PRKG1: variants seen among roughly 807,000 people sequenced by gnomAD.
PRKG1 encodes protein kinase cGMP-dependent 1, also known as cGMP-dependent protein kinase 1.
Under a neutral mutation model 88.1 loss-of-function variants are expected in PRKG1, and 35 were observed. The observed-to-expected ratio is 0.40, with a 90% CI of 0.30 to 0.53. The LOEUF (loss-of-function observed/expected upper bound fraction) is 0.53. PRKG1 is among the 20% of genes least tolerant of loss of function. The probability of loss-of-function intolerance (pLI) is 0.59; values close to 1 mark genes in which losing one functional copy is unlikely to be tolerated. For synonymous variants in PRKG1, 303 were observed against 292.5 expected, an observed-to-expected ratio of 1.04 and a Z score of -0.37; for missense variants, 540 against 839.8, an observed-to-expected ratio of 0.64 and a Z score of 4.41.
intron 5 of PRKG1, among the ~76,000 whole-genome samples, chr10:51,924,836 C>G (rs1842538471): frequency 6.6e-6 from 1 of 151,600 alleles, no homozygotes; most frequent in Non-Finnish European, 1.5e-5. Flanking sequence ...ATTGGCCCAT[C>G]AAAAGCATTC....
intron 5 of PRKG1, among the ~76,000 whole-genome samples, chr10:52,010,712 T>C (rs1012690719): frequency 1.3e-5 from 2 of 152,152 alleles, no homozygotes; most frequent in Admixed American, 6.5e-5. Context: ...ACTTGTGACA[T>C]TGGTTAAAAA....
intron 3 of PRKG1, among the ~76,000 whole-genome samples, chr10:51,790,502 G>T (rs911102640): frequency 1.3e-5 from 2 of 152,074 alleles, no homozygotes; most frequent in African/African-American, 4.8e-5. Context: ...TAAATTAATT[G>T]CCCAAAGCCA....
intron 1 of PRKG1, among the ~76,000 whole-genome samples, chr10:50,997,481 T>G (rs7919300): frequency 0.89 from 136,008 of 152,252 alleles, 60,898 homozygotes; most frequent in African/African-American, 0.95. Context: ...CTGACTACGG[T>G]CCTGTTTCCT....
intron 9 of PRKG1, among the ~76,000 whole-genome samples, chr10:52,172,168 A>T (rs1838715842): frequency 6.6e-6 from 1 of 152,004 alleles, no homozygotes; most frequent in Non-Finnish European, 1.5e-5. Context: ...TATCTTTGAG[A>T]CTCTCTAGGT....
intron 1 of PRKG1, among the ~76,000 whole-genome samples, chr10:51,015,487 C>T (rs1405205105): frequency 1.3e-5 from 2 of 152,188 alleles, no homozygotes; most frequent in African/African-American, 4.8e-5. Flanking sequence ...ATCATTGTAG[C>T]TCAGTCAATA....
chr10:51,370,664 T>C (rs891733470), intron 2 of PRKG1, among the ~76,000 whole-genome samples: 3 of 152,036 alleles, frequency 2.0e-5, no homozygotes, highest in Non-Finnish European at 4.4e-5. Context: ...AGAAGCCATA[T>C]TAAAAAATAA....
chr10:51,341,791 C>CA (rs1009971615), intron 2 of PRKG1, among the ~76,000 whole-genome samples: 1 of 152,144 alleles, frequency 6.6e-6, no homozygotes, highest in African/African-American at 2.4e-5. Flanking sequence ...TTAATGGACT[C>CA]AGAGTTCCCC....
At chr10:51,641,630 G>A (rs1839803134) in intron 3 of PRKG1, among the ~76,000 whole-genome samples, 1 of 152,152 alleles carries the variant, frequency 6.6e-6, no homozygotes, top group South Asian at 2.1e-4. Flanking sequence ...TATTAGATTG[G>A]TGCAAAAGTA....
chr10:51,358,395 T>C (rs1168520523), intron 2 of PRKG1, among the ~76,000 whole-genome samples: 3 of 151,762 alleles, frequency 2.0e-5, no homozygotes, highest in East Asian at 3.9e-4. Context: ...GGGATAGGAG[T>C]AGACAGACAC....
intron 2 of PRKG1, among the ~76,000 whole-genome samples, chr10:51,394,804 G>A (rs1464172189): frequency 1.3e-5 from 2 of 152,116 alleles, no homozygotes; most frequent in South Asian, 2.1e-4. Flanking sequence ...AATAACTGGG[G>A]TATCAATCAA....
chr10:51,697,979 T>C, intron 3 of PRKG1: 1 of 1,607,848 alleles, frequency 6.2e-7, no homozygotes, highest in Non-Finnish European at 8.5e-7. Context: ...CCCTCCTCCT[T>C]GTATGCCTGC....
intron 9 of PRKG1, among the ~76,000 whole-genome samples, chr10:52,193,550 AAAAAAAAAAAAAC>A (rs1404076689): frequency 5.4e-4 from 18 of 33,436 alleles, no homozygotes; most frequent in African/African-American, 1.2e-3. Flanking sequence ...CTCTGTCTCA[AAAAAAAAAAAAAC>A]AAAAAAAAAA....
chr10:51,731,352 G>A (rs556972884), intron 3 of PRKG1, among the ~76,000 whole-genome samples: 4 of 152,012 alleles, frequency 2.6e-5, no homozygotes, highest in South Asian at 2.1e-4. Flanking sequence ...ATGGTAGCCC[G>A]TTAATTCTTA....
chr10:51,760,685 T>C (rs936276015), intron 3 of PRKG1, among the ~76,000 whole-genome samples: 1 of 152,050 alleles, frequency 6.6e-6, no homozygotes, highest in African/African-American at 2.4e-5. Flanking sequence ...TTGGCCAGTC[T>C]GGTCTCGAAC....
At chr10:51,568,993 G>T (rs974700668) in intron 3 of PRKG1, among the ~76,000 whole-genome samples, 12 of 151,964 alleles carry the variant, frequency 7.9e-5, no homozygotes, top group Non-Finnish European at 1.5e-4. Flanking sequence ...CATATCTGTA[G>T]TCAAGCACAT....
intron 3 of PRKG1, among the ~76,000 whole-genome samples, chr10:51,544,396 T>G (rs1476490147): frequency 6.6e-6 from 1 of 152,110 alleles, no homozygotes; most frequent in African/African-American, 2.4e-5. Flanking sequence ...AATCCTTTTT[T>G]ATGGCTGCAT....
chr10:52,249,011 T>TCCTCCCCTCC (rs1564531931), intron 9 of PRKG1, among the ~76,000 whole-genome samples: 1 of 5,674 alleles, frequency 1.8e-4, no homozygotes, highest in Non-Finnish European at 4.6e-4. Flanking sequence ...TCCCCCCGCC[T>TCCTCCCCTCC]CCTTCCCTCC....
chr10:51,063,316 C>CA (rs964893424), intron 1 of PRKG1, among the ~76,000 whole-genome samples: 11 of 152,062 alleles, frequency 7.2e-5, no homozygotes, highest in African/African-American at 2.4e-4. Flanking sequence ...GTGCAAACAT[C>CA]AAAAAGTGTA....
chr10:52,224,834 T>TC, intron 9 of PRKG1, among the ~76,000 whole-genome samples: 2 of 135,606 alleles, frequency 1.5e-5, no homozygotes, highest in African/African-American at 2.8e-5. Flanking sequence ...TATATATATA[T>TC]ATATACATAC....
Sources: allele counts gnomAD v4.1 joint callset (sites outside exome capture counted in the v4.1 genomes callset), GRCh38; gene constraint gnomAD v4.1.1; transcripts MANE v1.5; gene names NCBI Gene and HGNC (gene_info 2026-07-23, HGNC 2026-07-21).